TLL1: variants seen among roughly 807,000 people sequenced by gnomAD.
The protein encoded by TLL1 is tolloid-like protein 1.
A neutral mutation model predicts 128.2 loss-of-function variants in TLL1; 49 were observed. The ratio of observed to expected loss-of-function variants is 0.38; its 90% CI spans 0.30 to 0.48. TLL1 has a LOEUF of 0.48. TLL1 is among the 20% of genes least tolerant of loss of function. TLL1 has a pLI of 0.96. For synonymous variants in TLL1, 454 were observed against 418.8 expected, an observed-to-expected ratio of 1.08 and a Z score of -1.03; for missense variants, 1,123 against 1,242.0, an observed-to-expected ratio of 0.90 and a Z score of 1.44.
intron 1 of TLL1, among the ~76,000 whole-genome samples, chr4:165,979,096 G>A (rs1286018271): frequency 1.3e-5 from 2 of 152,030 alleles, no homozygotes; most frequent in Admixed American, 6.6e-5. Context: ...CGTGGCTATT[G>A]CTGCTGCCAT....
intron 1 of TLL1, among the ~76,000 whole-genome samples, chr4:165,976,734 G>A (rs1487376718): frequency 1.3e-5 from 2 of 152,172 alleles, no homozygotes; most frequent in African/African-American, 4.8e-5. Flanking sequence ...GACAGAGACA[G>A]TATTTAAAAT....
At position 166,055,059 on chromosome 4, in the gene TLL1, A is replaced by T. The variant is rs762213520; in HGVS notation, c.1525-17A>T. On this transcript the variant is annotated splice_polypyrimidine_tract_variant and intron_variant, in intron 12 of 20. Coordinates refer to ENST00000061240, the MANE Select transcript of TLL1 (RefSeq NM_012464.5). ...TATCTATAAACATATATTTTCACAT[A>T]TTTTTTTCTGTTGCAGATTGAAAGA... The T allele has an allele frequency of 3.1e-6, 5 of 1,603,756 alleles. No homozygotes were observed. In the South Asian group the frequency reaches 3.4e-5, roughly 11 times the overall value.
rs869191830 is a variant in TLL1 at position 165,963,054 on chromosome 4, C to CAAAAAAAAAA, written c.170-26310_170-26301dup. On this transcript the variant is annotated intron_variant, in intron 1 of 20. Coordinates refer to ENST00000061240, the MANE Select transcript of TLL1 (RefSeq NM_012464.5). ...TGGGTGACAGAGCGAGGCTCTGTCT[C>CAAAAAAAAAA]AAAAAAAAAAAAAAAAAAAAAAAAA... Among the ~76,000 whole-genome samples, 108 of 18,332 alleles carry CAAAAAAAAAA rather than the reference C, an allele frequency of 5.9e-3. 15 individuals are homozygous for CAAAAAAAAAA. Among genetic ancestry groups the CAAAAAAAAAA allele is most frequent in the African/African-American group, 0.015 (105 of 6,996 alleles). The allele number at this position is 18,332 out of a possible 152,430, so 12.0% of individuals were successfully genotyped here. A position where few individuals can be genotyped will look rare whatever the true frequency, so the allele number is the denominator to read the frequency against.
At chr4:165,928,343 C>A (rs1348295271) in intron 1 of TLL1, among the ~76,000 whole-genome samples, 1 of 152,036 alleles carries the variant, frequency 6.6e-6, no homozygotes, top group South Asian at 2.1e-4. Context: ...ACAGAAATAA[C>A]CATACACTGT....
chr4:165,955,415 A>T (rs1030328617), intron 1 of TLL1, among the ~76,000 whole-genome samples: 1 of 152,104 alleles, frequency 6.6e-6, no homozygotes, highest in Admixed American at 6.6e-5. Context: ...AGAGAGGGCA[A>T]CATGAAAATT....
At chr4:166,086,392 A>C (rs139763871) in intron 18 of TLL1, among the ~76,000 whole-genome samples, 5 of 152,214 alleles carry the variant, frequency 3.3e-5, no homozygotes, top group African/African-American at 1.2e-4. Context: ...AGTATGAGGG[A>C]GTGGCATCAG....
At chr4:165,880,465 T>C (rs188199768) in intron 1 of TLL1, among the ~76,000 whole-genome samples, 2 of 152,344 alleles carry the variant, frequency 1.3e-5, no homozygotes, top group Non-Finnish European at 2.9e-5. Context: ...AAAGAACTTC[T>C]TTGAATGATA....
At chr4:165,874,171 C>G (rs886921520) in intron 1 of TLL1, 98 bp downstream of exon 1, 16 of 1,446,392 alleles carry the variant, frequency 1.1e-5, no homozygotes, top group Admixed American at 1.7e-5. Flanking sequence ...CCTTCCCTCC[C>G]GCGTCAGCCC....
chr4:166,052,675 T>C (rs1476667744), intron 12 of TLL1, among the ~76,000 whole-genome samples: 1 of 152,098 alleles, frequency 6.6e-6, no homozygotes, highest in African/African-American at 2.4e-5. Flanking sequence ...TGTGGTTTTC[T>C]ATCTCATTCT....
rs547812719 is a variant in TLL1, at chr4:165,910,384, A to G, written c.169+36311A>G. 1.1e-4 allele frequency among the ~76,000 whole-genome samples: 16 copies of G among 152,346 alleles called. No individual in the cohort carries two copies. The East Asian group carries it at 2.3e-3, about 22-fold the overall frequency. On this transcript the variant is annotated intron_variant, in intron 1 of 20. Transcript: ENST00000061240. Reference sequence around the variant, plus strand: ...GTGCTACATTTTTTTAGTTTCATCAAAAATTGAAAATGGGAAAAACTGTAA... The same window carrying G: ...GTGCTACATTTTTTTAGTTTCATCAGAAATTGAAAATGGGAAAAACTGTAA...
chr4:166,012,065 A>C (rs1231146927), intron 7 of TLL1, among the ~76,000 whole-genome samples: 2 of 151,574 alleles, frequency 1.3e-5, no homozygotes, highest in African/African-American at 2.4e-5. Flanking sequence ...TCTTTATATG[A>C]GTGACTATTT....
intron 1 of TLL1, among the ~76,000 whole-genome samples, chr4:165,966,735 A>G (rs1239540933): frequency 6.6e-6 from 1 of 152,130 alleles, no homozygotes; most frequent in African/African-American, 2.4e-5. Context: ...GTGTACAAAT[A>G]GGGTATGGGT....
intron 19 of TLL1, among the ~76,000 whole-genome samples, chr4:166,096,379 A>G (rs1742022430): frequency 6.7e-6 from 1 of 149,556 alleles, no homozygotes. Context: ...CCTAAATGCA[A>G]TTTAAGGCAT....
At chr4:166,012,327 C>CA (rs1737734019) in intron 7 of TLL1, among the ~76,000 whole-genome samples, 1 of 150,656 alleles carries the variant, frequency 6.6e-6, no homozygotes, top group Non-Finnish European at 1.5e-5. Context: ...TTCCTGACCA[C>CA]AAAAAAGAAG....
intron 16 of TLL1, among the ~76,000 whole-genome samples, chr4:166,067,533 T>G (rs1338623659): frequency 6.6e-6 from 1 of 151,774 alleles, no homozygotes; most frequent in Admixed American, 6.6e-5. Context: ...GAACTGTGCT[T>G]TGTAAAAGTA....
At chr4:165,999,754 A>C (rs1458892175) in intron 5 of TLL1, among the ~76,000 whole-genome samples, 6 of 152,012 alleles carry the variant, frequency 3.9e-5, no homozygotes, top group Non-Finnish European at 8.8e-5. Flanking sequence ...GATTACAAGC[A>C]TGAGCCACCA....
intron 19 of TLL1, among the ~76,000 whole-genome samples, chr4:166,093,204 C>T (rs553903504): frequency 2.0e-5 from 3 of 152,058 alleles, no homozygotes; most frequent in Non-Finnish European, 4.4e-5. Flanking sequence ...ACACCAAGGA[C>T]CTGCACTGGC....
chr4:166,014,542 A>C lies in TLL1; in HGVS notation c.1024A>C (p.Lys342Gln), dbSNP rs770837087. 1 of 1,612,148 alleles carries C rather than the reference A, an allele frequency of 6.2e-7. No individual in the cohort carries two copies. The highest frequency in any genetic ancestry group is 8.5e-7 in the Non-Finnish European group (1 of 1,178,576). The change falls in exon 8 of 21, where the codon AAG becomes CAG. Residue 342 changes from lysine to glutamine, a missense_variant. Lys to Gln is a moderately conservative substitution (Grantham distance 53). Transcript: ENST00000061240. Reference protein sequence around the residue: ...LSKGDIAQARKLYRCPACGET... With the variant: ...LSKGDIAQARQLYRCPACGET... Reference sequence around the variant, plus strand: ...CAAAGGAGATATCGCACAGGCAAGAAAGCTGTATAGATGTCCAGGTATTGC... The same window carrying C: ...CAAAGGAGATATCGCACAGGCAAGACAGCTGTATAGATGTCCAGGTATTGC...
intron 5 of TLL1, among the ~76,000 whole-genome samples, chr4:165,996,154 G>T (rs967671878): frequency 6.6e-6 from 1 of 151,920 alleles, no homozygotes; most frequent in Non-Finnish European, 1.5e-5. Context: ...CCCACATTGG[G>T]ATTTTGCTCC....
Sources: gnomAD v4.1 joint callset for allele counts (sites outside exome capture counted in the v4.1 genomes callset) on GRCh38, gnomAD v4.1.1 for gene constraint, MANE v1.5 for transcripts, NCBI Gene and HGNC (gene_info 2026-07-23, HGNC 2026-07-21) for gene names.